The following RALYL variants were observed in gnomAD, a reference collection of about 807,000 sequenced individuals.
RALYL encodes RALY RNA binding protein like.
RALYL carries 29 observed loss-of-function variants against 35.1 expected under a neutral mutation model. The ratio of observed to expected loss-of-function variants is 0.83; its 90% CI spans 0.61 to 1.13. The LOEUF (loss-of-function observed/expected upper bound fraction) is 1.13. Among genes scored for constraint, RALYL ranks in the 50% most tolerant of loss-of-function variants. The pLI is 0.00. For synonymous variants in RALYL, 120 were observed against 127.6 expected, an observed-to-expected ratio of 0.94 and a Z score of 0.40; for missense variants, 359 against 360.4, an observed-to-expected ratio of 1.00 and a Z score of 0.03.
chr8:84,505,852 T>C lies in RALYL; in HGVS notation c.-23-23447T>C, dbSNP rs573524792. 5.3e-5 allele frequency among the ~76,000 whole-genome samples: 8 copies of C among 152,252 alleles called. No homozygotes were observed. In the South Asian group the frequency reaches 1.7e-3, roughly 32 times the overall value. On this transcript the variant is annotated intron_variant, in intron 1 of 8. Transcript: ENST00000521268. ...TTATTAGATGGTAAGGTTAAAGATA[T>C]AAATTTCATAAAAATGTTGGCATAT...
intron 1 of RALYL, among the ~76,000 whole-genome samples, chr8:84,252,496 A>G (rs2131689185): frequency 6.6e-6 from 1 of 152,304 alleles, no homozygotes; most frequent in African/African-American, 2.4e-5. Context: ...TAAAGTCTAT[A>G]GCATGATGCA....
At chr8:84,605,197 A>T (rs1816840123) in intron 2 of RALYL, among the ~76,000 whole-genome samples, 1 of 151,980 alleles carries the variant, frequency 6.6e-6, no homozygotes, top group African/African-American at 2.4e-5. Context: ...TCATTTGAGG[A>T]TTTTCAATAA....
intron 1 of RALYL, among the ~76,000 whole-genome samples, chr8:84,454,951 G>A (rs1017762313): frequency 1.3e-5 from 2 of 152,068 alleles, no homozygotes; most frequent in African/African-American, 4.8e-5. Context: ...TCACACTGCA[G>A]AAAGACTATA....
chr8:84,825,731 G>T (rs1000794251), intron 4 of RALYL, among the ~76,000 whole-genome samples: 1 of 151,992 alleles, frequency 6.6e-6, no homozygotes, highest in African/African-American at 2.4e-5. Flanking sequence ...AGCTGGGCAT[G>T]GTGGTGCATG....
intron 1 of RALYL, among the ~76,000 whole-genome samples, chr8:84,517,744 G>A: frequency 6.6e-6 from 1 of 152,084 alleles, no homozygotes; most frequent in Non-Finnish European, 1.5e-5. Flanking sequence ...AAATAGTCTA[G>A]GGCATGAATT....
rs564023637 is a variant in RALYL at position 84,438,290 on chromosome 8, G to A, written c.-23-91009G>A. On this transcript the variant is annotated intron_variant, in intron 1 of 8. Coordinates refer to ENST00000521268, the MANE Select transcript of RALYL (RefSeq NM_173848.7). The stretch of plus-strand genomic sequence containing the variant: ...GTCCTACTTATCAATTTTTGTTTCT[G>A]TTGCAATTGCTTTTGAGGATGTATC... 2.0e-5 allele frequency among the ~76,000 whole-genome samples: 3 copies of A among 152,190 alleles called. No homozygotes were observed. In the South Asian group the frequency reaches 6.2e-4, roughly 32 times the overall value.
chr8:84,707,518 G>A (rs1320121290), intron 2 of RALYL, among the ~76,000 whole-genome samples: 1 of 151,948 alleles, frequency 6.6e-6, no homozygotes, highest in Non-Finnish European at 1.5e-5. Flanking sequence ...CTTAAAATGT[G>A]CTCACTGAAG....
chr8:84,914,589 A>T (rs1194098070), intron 8 of RALYL, among the ~76,000 whole-genome samples: 1 of 151,878 alleles, frequency 6.6e-6, no homozygotes, highest in Non-Finnish European at 1.5e-5. Context: ...GAATAATTAA[A>T]TTTTTACACA....
At chr8:84,800,411 T>A (rs1302228710) in intron 3 of RALYL, among the ~76,000 whole-genome samples, 1 of 152,236 alleles carries the variant, frequency 6.6e-6, no homozygotes, top group Admixed American at 6.5e-5. Context: ...TGTTGAATAA[T>A]ACCTGGCCTT....
chr8:84,754,546 GTCTT>G, intron 2 of RALYL, among the ~76,000 whole-genome samples: 1 of 152,266 alleles, frequency 6.6e-6, no homozygotes, highest in East Asian at 1.9e-4. Context: ...CTGACTATCA[GTCTT>G]TCTTTCATGT....
chr8:84,795,118 ACAGGAAATAGAGGGG>A (rs1397580872), intron 3 of RALYL, among the ~76,000 whole-genome samples: 1 of 152,216 alleles, frequency 6.6e-6, no homozygotes, highest in Non-Finnish European at 1.5e-5. Context: ...AAAAGATATC[ACAGGAAATAGAGGGG>A]AAAGCTGCAT....
chr8:84,553,437 G>A (rs1481951121), intron 2 of RALYL, among the ~76,000 whole-genome samples: 1 of 152,138 alleles, frequency 6.6e-6, no homozygotes, highest in East Asian at 1.9e-4. Flanking sequence ...GATTACAGGT[G>A]TGAGCCACTG....
chr8:84,691,844 A>G (rs1265153084), intron 2 of RALYL, among the ~76,000 whole-genome samples: 1 of 152,068 alleles, frequency 6.6e-6, no homozygotes, highest in Non-Finnish European at 1.5e-5. Context: ...AAAATCCTAA[A>G]CAAGAGCAAA....
At chr8:84,500,701 T>G (rs1020382083) in intron 1 of RALYL, among the ~76,000 whole-genome samples, 5 of 152,294 alleles carry the variant, frequency 3.3e-5, no homozygotes, top group Admixed American at 2.6e-4. Flanking sequence ...AAGGGACATT[T>G]TACAAGACTG....
At chr8:84,407,051 C>T (rs547452043) in intron 1 of RALYL, among the ~76,000 whole-genome samples, 10 of 145,260 alleles carry the variant, frequency 6.9e-5, no homozygotes, top group Non-Finnish European at 6.0e-5. Flanking sequence ...CACACACTCA[C>T]ACACACACAC....
intron 1 of RALYL, among the ~76,000 whole-genome samples, chr8:84,250,261 T>C (rs1829922793): frequency 6.6e-6 from 1 of 152,302 alleles, no homozygotes; most frequent in Non-Finnish European, 1.5e-5. Flanking sequence ...ACTGAGCAGA[T>C]GGTACTAAGA....
intron 3 of RALYL, among the ~76,000 whole-genome samples, chr8:84,776,251 G>T (rs1200064360): frequency 6.6e-6 from 1 of 151,984 alleles, no homozygotes; most frequent in African/African-American, 2.4e-5. Flanking sequence ...CTAAGATGAG[G>T]GTCAGAACTA....
At chr8:84,473,853 CTT>C (rs1203171700) in intron 1 of RALYL, among the ~76,000 whole-genome samples, 3 of 151,896 alleles carry the variant, frequency 2.0e-5, no homozygotes, top group Non-Finnish European at 4.4e-5. Context: ...ATAAACTCCT[CTT>C]ATATATTTTG....
intron 1 of RALYL, among the ~76,000 whole-genome samples, chr8:84,239,320 A>C (rs929179951): frequency 6.6e-6 from 1 of 152,216 alleles, no homozygotes; most frequent in Non-Finnish European, 1.5e-5. Flanking sequence ...TCATGCATTG[A>C]ATAAATTTGG....
Sources: gnomAD v4.1 joint callset for allele counts (sites outside exome capture counted in the v4.1 genomes callset) on GRCh38, gnomAD v4.1.1 for gene constraint, MANE v1.5 for transcripts, NCBI Gene and HGNC (gene_info 2026-07-23, HGNC 2026-07-21) for gene names.